Variants in CCDC83 observed in about 807,000 individuals in gnomAD.
The protein encoded by CCDC83 is coiled-coil domain-containing protein 83.
CCDC83 carries 54 observed loss-of-function variants against 50.1 expected under a neutral mutation model. The ratio of observed to expected loss-of-function variants is 1.08; its 90% CI spans 0.87 to 1.35. CCDC83 has a LOEUF of 1.35. Ranked by LOEUF, CCDC83 falls within the 40% of genes most tolerant of loss-of-function variation. The probability of loss-of-function intolerance (pLI) is 0.00; values close to 1 mark genes in which losing one functional copy is unlikely to be tolerated. For synonymous variants in CCDC83, 161 were observed against 153.3 expected (o/e 1.05, Z -0.37); for missense variants, 518 against 473.9 (o/e 1.09, Z -0.86).
chr11:85,857,034 C>T (rs2093145585), intron 1 of CCDC83, among the ~76,000 whole-genome samples: 1 of 152,200 alleles, frequency 6.6e-6, no homozygotes, highest in Non-Finnish European at 1.5e-5. Flanking sequence ...GTGCCTGTCC[C>T]CAGATCGAGG....
At chr11:85,872,226 T>C (rs2153683385) in intron 2 of CCDC83, among the ~76,000 whole-genome samples, 1 of 151,806 alleles carries the variant, frequency 6.6e-6, no homozygotes, top group East Asian at 2.0e-4. Context: ...GGCTCACACC[T>C]GTAACCCCAG....
intron 5 of CCDC83, among the ~76,000 whole-genome samples, chr11:85,888,474 C>A (rs1325112577): frequency 6.6e-6 from 1 of 152,126 alleles, no homozygotes; most frequent in Non-Finnish European, 1.5e-5. Context: ...ATCTGTCACC[C>A]ATTTTTCTAA....
chr11:85,902,809 C>A (rs545558473), intron 7 of CCDC83, among the ~76,000 whole-genome samples: 1 of 152,268 alleles, frequency 6.6e-6, no homozygotes, highest in South Asian at 2.1e-4. Context: ...GTCAGCCCTG[C>A]AGAGCCCATG....
At chr11:85,909,487 C>T (rs1001902677) in intron 7 of CCDC83, among the ~76,000 whole-genome samples, 2 of 152,100 alleles carry the variant, frequency 1.3e-5, no homozygotes, top group Admixed American at 6.6e-5. Flanking sequence ...TGATCCAGCA[C>T]CTGTGTAGCT....
At chr11:85,907,354 A>C (rs1433329710) in intron 7 of CCDC83, among the ~76,000 whole-genome samples, 1 of 152,224 alleles carries the variant, frequency 6.6e-6, no homozygotes, top group Non-Finnish European at 1.5e-5. Flanking sequence ...AAAATGAAGG[A>C]AACTGGAATT....
intron 3 of CCDC83, among the ~76,000 whole-genome samples, chr11:85,876,937 T>C (rs2093272810): frequency 1.3e-5 from 2 of 152,234 alleles, no homozygotes. Context: ...AATGTGATAA[T>C]TATTCTTACC....
intron 5 of CCDC83, among the ~76,000 whole-genome samples, chr11:85,888,663 T>C (rs572691357): frequency 3.5e-4 from 54 of 152,296 alleles, no homozygotes; most frequent in African/African-American, 1.3e-3. Flanking sequence ...AGATTATGAA[T>C]GAATTCTCCA....
Position 85,855,991 on chromosome 11 carries a change from T to G in CCDC83, c.-29+407T>G, listed in dbSNP as rs142161649. ...TTACCCTCATATCCCAATTCATAGA[T>G]TGGTTTCAACTTCTTGCTCTGGATA... On this transcript the variant is annotated intron_variant, in intron 1 of 10. Coordinates refer to ENST00000342404, the MANE Select transcript of CCDC83 (RefSeq NM_001286159.2). Among the ~76,000 whole-genome samples, 339 of 152,234 alleles carry G rather than the reference T, an allele frequency of 2.2e-3. 4 individuals carry two copies. Among genetic ancestry groups the G allele is most frequent in the African/African-American group, 7.8e-3 (323 of 41,548 alleles).
chr11:85,894,447 C>T (rs1336504176), intron 5 of CCDC83, among the ~76,000 whole-genome samples: 2 of 152,114 alleles, frequency 1.3e-5, no homozygotes, highest in African/African-American at 2.4e-5. Context: ...CAGATTAACT[C>T]GTTTGGAGTA....
At position 85,882,527 on chromosome 11, in the gene CCDC83, A is replaced by G. The variant is rs1445630233; in HGVS notation, c.195A>G (p.Lys65=). 6.2e-7 allele frequency: 1 copy of G among 1,613,074 alleles called. No individual in the cohort carries two copies. The highest frequency in any genetic ancestry group is 8.5e-7 in the Non-Finnish European group (1 of 1,179,154). The change falls in exon 4 of 11, where the codon AAA becomes AAG. Residue 65 remains lysine, a synonymous_variant. Coordinates refer to ENST00000342404, the MANE Select transcript of CCDC83 (RefSeq NM_001286159.2). ...TTTCATGACAGAATAGCCGCTTAAA[A>G]GAAGAACAGATTTGGCACATACGGC... The part of the protein sequence containing the change: ...QKYHERNSRL[K]EEQIWHIRHL...
intron 3 of CCDC83, among the ~76,000 whole-genome samples, chr11:85,878,553 G>A (rs190026524): frequency 6.6e-6 from 1 of 152,350 alleles, no homozygotes; most frequent in African/African-American, 2.4e-5. Context: ...GCATGGTGGG[G>A]ATGTACCAGT....
At chr11:85,909,090 C>G (rs562969597) in intron 7 of CCDC83, among the ~76,000 whole-genome samples, 3 of 152,160 alleles carry the variant, frequency 2.0e-5, no homozygotes, top group African/African-American at 7.2e-5. Context: ...CACACCACTA[C>G]GCCCAGCTAA....
chr11:85,886,839 G>A (rs983300647), intron 5 of CCDC83, among the ~76,000 whole-genome samples: 6 of 152,304 alleles, frequency 3.9e-5, no homozygotes, highest in South Asian at 2.1e-4. Flanking sequence ...GTTGAGCCCC[G>A]TGGTCAAGGC....
chr11:85,872,456 G>A (rs1342658125), intron 2 of CCDC83, among the ~76,000 whole-genome samples: 5 of 152,112 alleles, frequency 3.3e-5, no homozygotes, highest in African/African-American at 1.2e-4. Flanking sequence ...CTGCACTCCA[G>A]CCTGGGCGAC....
At chr11:85,880,505 A>G (rs951373510) in intron 3 of CCDC83, among the ~76,000 whole-genome samples, 1 of 151,996 alleles carries the variant, frequency 6.6e-6, no homozygotes. Context: ...TGAACTCCTA[A>G]GCTCAAGCAA....
rs756471246 is a variant in CCDC83, at chr11:85,873,231, C to T, written c.116C>T (p.Ala39Val). 1.2e-5 allele frequency: 19 copies of T among 1,549,434 alleles called. No individual in the cohort carries two copies. Among genetic ancestry groups the T allele is most frequent in the Non-Finnish European group, 1.6e-5 (18 of 1,142,842 alleles). ...LDYQCQIKED[A>V]VEQFMFQIKT... ...CTCAGATGTCAAATAAAGGAAGATG[C>T]CGTGGAGCAATTCATGTTTCAAATA... Residue 39 changes from alanine (A) to valine (V), a missense_variant, in exon 3 of 11, where the codon GCC becomes GTC. Transcript: ENST00000342404.
At chr11:85,870,220 A>G (rs2093229321) in intron 2 of CCDC83, among the ~76,000 whole-genome samples, 1 of 152,250 alleles carries the variant, frequency 6.6e-6, no homozygotes, top group Admixed American at 6.5e-5. Flanking sequence ...CTGGGGCTGC[A>G]CATGGTCTCC....
rs569742768 is a variant in CCDC83, at chr11:85,897,927, C to T, written c.604-1020C>T. On this transcript the variant is annotated intron_variant, in intron 6 of 10. Transcript: ENST00000342404. ...ATCCCAGCATTTGGGGAGGCCAAGG[C>T]GGGTGGATCACTTGAGATCAGGAGT... Among the ~76,000 whole-genome samples the T allele has an allele frequency of 1.6e-3, 240 of 152,186 alleles. 2 individuals carry two copies. Among genetic ancestry groups the T allele is most frequent in the Non-Finnish European group, 2.5e-3 (171 of 67,984 alleles).
chr11:85,882,565 A>C lies in CCDC83; in HGVS notation c.233A>C (p.Glu78Ala). The C allele has an allele frequency of 6.2e-7, 1 of 1,613,978 alleles. No individual in the cohort carries two copies. ...QIWHIRHLLKELSEEKAEGLP... is the reference protein window; with the variant it reads ...QIWHIRHLLKALSEEKAEGLP... ...TGGCACATACGGCATCTACTAAAGG[A>C]ACTGAGTGAAGAGAAGGCAGAGGGA... Residue 78 changes from glutamate (E) to alanine (A), a missense_variant, in exon 4 of 11, where the codon GAA (glutamate) becomes GCA (alanine). Coordinates refer to ENST00000342404, the MANE Select transcript of CCDC83 (RefSeq NM_001286159.2).
Sources: allele counts gnomAD v4.1 joint callset (sites outside exome capture counted in the v4.1 genomes callset), GRCh38; gene constraint gnomAD v4.1.1; transcripts MANE v1.5; gene names NCBI Gene and HGNC (gene_info 2026-07-23, HGNC 2026-07-21).